Variants in RBFOX1 observed in about 807,000 individuals in gnomAD.
The protein encoded by RBFOX1 is RNA binding protein fox-1 homolog 1.
Under a neutral mutation model 57.7 loss-of-function variants are expected in RBFOX1, and 8 were observed. That is an observed-to-expected ratio of 0.14 (90% CI 0.08 to 0.25). The LOEUF (loss-of-function observed/expected upper bound fraction) is 0.25. Ranked by LOEUF, RBFOX1 falls within the 10% of genes least tolerant of loss-of-function variation. RBFOX1 has a pLI of 1.00. For synonymous variants in RBFOX1, 326 were observed against 222.4 expected (o/e 1.47, Z -4.15); for missense variants, 611 against 548.5 (o/e 1.11, Z -1.14).
chr16:6,792,229 T>G (rs1433416265), intron 3 of RBFOX1, among the ~76,000 whole-genome samples: 2 of 152,194 alleles, frequency 1.3e-5, no homozygotes, highest in African/African-American at 4.8e-5. Context: ...AAAGCACTAT[T>G]GGAGAATTAT....
chr16:6,119,473 C>T (rs982015039), intron 1 of RBFOX1, among the ~76,000 whole-genome samples: 29 of 152,216 alleles, frequency 1.9e-4, no homozygotes, highest in African/African-American at 6.7e-4. Flanking sequence ...TGTTTTTAAC[C>T]TTTGAACTTA....
At chr16:7,561,415 A>C (rs2090336276) in intron 5 of RBFOX1, among the ~76,000 whole-genome samples, 1 of 152,226 alleles carries the variant, frequency 6.6e-6, no homozygotes, top group African/African-American at 2.4e-5. Flanking sequence ...TATATTTCTT[A>C]GCATTTCCAT....
At chr16:6,373,292 G>T (rs571096626) in intron 2 of RBFOX1, among the ~76,000 whole-genome samples, 1 of 152,026 alleles carries the variant, frequency 6.6e-6, no homozygotes, top group Admixed American at 6.6e-5. Context: ...TCGGATGGGA[G>T]GATGGTTGGT....
chr16:5,960,245 T>G (rs2059722270), intron 4 of RBFOX1, among the ~76,000 whole-genome samples: 1 of 152,170 alleles, frequency 6.6e-6, no homozygotes, highest in Non-Finnish European at 1.5e-5. Context: ...AAGTCAGCAC[T>G]TACTAAGCCC....
At chr16:5,773,947 C>G (rs1446882679) in intron 3 of RBFOX1, among the ~76,000 whole-genome samples, 6 of 152,178 alleles carry the variant, frequency 3.9e-5, no homozygotes, top group Non-Finnish European at 8.8e-5. Context: ...CTGCCTCAGC[C>G]TCCCAAAGTG....
intron 4 of RBFOX1, among the ~76,000 whole-genome samples, chr16:7,433,456 G>C (rs17143687): frequency 0.025 from 3,799 of 152,264 alleles, 154 homozygotes; most frequent in African/African-American, 0.086. Flanking sequence ...GTTCCATGTA[G>C]AGCAGATACA....
Position 6,164,814 on chromosome 16 carries a change from C to T in RBFOX1, c.-127+144822C>T, listed in dbSNP as rs9933842. Among the ~76,000 whole-genome samples the T allele has an allele frequency of 3.2e-3, 494 of 152,082 alleles. 4 individuals are homozygous for T. Among genetic ancestry groups the T allele is most frequent in the African/African-American group, 0.011 (475 of 41,490 alleles). On this transcript the variant is annotated intron_variant, in intron 1 of 15. Transcript: ENST00000550418. The stretch of plus-strand genomic sequence containing the variant: ...GCCTGTAAACACACTCAGTGGAGCT[C>T]GTTACAAGAAGACTGTCGATGTACT...
intron 2 of RBFOX1, among the ~76,000 whole-genome samples, chr16:6,626,685 G>A (rs796160506): frequency 7.2e-5 from 11 of 152,070 alleles, no homozygotes; most frequent in African/African-American, 1.4e-4. Flanking sequence ...GCTTGAACCC[G>A]GGAGACAGAG....
At chr16:5,254,073 C>A (rs2151084414) in intron 1 of RBFOX1, among the ~76,000 whole-genome samples, 1 of 152,338 alleles carries the variant, frequency 6.6e-6, no homozygotes, top group East Asian at 1.9e-4. Context: ...CAGGTCCATG[C>A]CTGTTTCTGA....
chr16:5,964,110 T>G (rs920966012), intron 4 of RBFOX1, among the ~76,000 whole-genome samples: 2 of 152,152 alleles, frequency 1.3e-5, no homozygotes, highest in African/African-American at 4.8e-5. Context: ...AATAGATATT[T>G]TTCCAAAGAA....
At chr16:5,980,327 C>A (rs144533102) in intron 4 of RBFOX1, among the ~76,000 whole-genome samples, 4 of 152,120 alleles carry the variant, frequency 2.6e-5, no homozygotes, top group South Asian at 2.1e-4. Context: ...GGCGGCAGAA[C>A]GGTATAGATG....
intron 1 of RBFOX1, among the ~76,000 whole-genome samples, chr16:5,430,590 G>A (rs1235516937): frequency 6.6e-6 from 1 of 152,192 alleles, no homozygotes; most frequent in Non-Finnish European, 1.5e-5. Flanking sequence ...AAGCCCACCT[G>A]CAGGTGTGAA....
At position 7,713,016 on chromosome 16, in the gene RBFOX1, C is replaced by A. The variant is rs2084221804; in HGVS notation, c.*2271C>A. The A allele has an allele frequency of 6.6e-6, 1 of 152,268 alleles. No individual in the cohort carries two copies. The highest frequency in any genetic ancestry group is 1.5e-5 in the Non-Finnish European group (1 of 68,014). 9.4% of individuals were successfully genotyped at this position (152,268 alleles called of 1,614,324 possible). A position where few individuals can be genotyped will look rare whatever the true frequency, so the allele number is the denominator to read the frequency against. On this transcript the variant is annotated 3_prime_UTR_variant, in exon 16 of 16. Transcript: ENST00000550418. ...TGAGTGCCAACCGATGTTGCAGAAT[C>A]TTTTGTCTAGGCACTCCAAGATGCC...
chr16:5,646,140 C>T (rs939300948), intron 3 of RBFOX1, among the ~76,000 whole-genome samples: 1 of 151,574 alleles, frequency 6.6e-6, no homozygotes, highest in Non-Finnish European at 1.5e-5. Context: ...CACTATTCTG[C>T]TGCCTCAGCC....
intron 3 of RBFOX1, among the ~76,000 whole-genome samples, chr16:5,622,570 A>G (rs537194013): frequency 6.6e-6 from 1 of 152,364 alleles, no homozygotes; most frequent in African/African-American, 2.4e-5. Flanking sequence ...TAAAAAATCC[A>G]TTTATTTGCT....
chr16:7,170,574 T>C (rs1266848267), intron 4 of RBFOX1, among the ~76,000 whole-genome samples: 2 of 152,222 alleles, frequency 1.3e-5, no homozygotes, highest in African/African-American at 2.4e-5. Flanking sequence ...ACTTTCCATG[T>C]GAGAAACTAA....
chr16:7,392,995 T>G (rs2098066899), intron 4 of RBFOX1, among the ~76,000 whole-genome samples: 1 of 152,150 alleles, frequency 6.6e-6, no homozygotes, highest in African/African-American at 2.4e-5. Context: ...TGCTTCAGCC[T>G]CCCGTATAGC....
intron 1 of RBFOX1, among the ~76,000 whole-genome samples, chr16:6,052,846 T>C (rs148709715): frequency 5.2e-4 from 61 of 116,530 alleles, no homozygotes; most frequent in African/African-American, 1.6e-3. Context: ...TATTAATGCC[T>C]ATGGCCTGGG....
chr16:6,067,195 G>A (rs576989118), intron 1 of RBFOX1, among the ~76,000 whole-genome samples: 41 of 152,212 alleles, frequency 2.7e-4, no homozygotes, highest in South Asian at 1.0e-3. Flanking sequence ...AACTCCTTAC[G>A]TCCTCGATTC....
Sources: gnomAD v4.1 joint callset for allele counts (sites outside exome capture counted in the v4.1 genomes callset) on GRCh38, gnomAD v4.1.1 for gene constraint, MANE v1.5 for transcripts, NCBI Gene and HGNC (gene_info 2026-07-23, HGNC 2026-07-21) for gene names.